Variants in EFCAB11 observed in about 807,000 individuals in gnomAD.
EFCAB11 encodes EF-hand calcium-binding domain-containing protein 11.
In EFCAB11, 14 loss-of-function variants were observed where a neutral mutation model predicts 23.0. The observed-to-expected ratio is 0.61, with a 90% CI of 0.40 to 0.95. EFCAB11 has a LOEUF of 0.95. Ranked by LOEUF, EFCAB11 falls within the 40% of genes least tolerant of loss-of-function variation. The pLI is 0.00. For missense variants in EFCAB11, 198 were observed against 195.8 expected (o/e 1.01, Z -0.07); for synonymous variants, 65 against 66.6 (o/e 0.98, Z 0.11).
intron 5 of EFCAB11, among the ~76,000 whole-genome samples, chr14:89,837,858 G>A (rs541206939): frequency 5.3e-5 from 8 of 152,200 alleles, no homozygotes; most frequent in African/African-American, 1.7e-4. Context: ...GGGAGCTGTG[G>A]GGGTGATATC....
chr14:89,842,309 C>T (rs886364491), intron 5 of EFCAB11, among the ~76,000 whole-genome samples: 25 of 152,306 alleles, frequency 1.6e-4, no homozygotes, highest in African/African-American at 4.8e-4. Flanking sequence ...GTAATCTGGG[C>T]GGGGCGTGGT....
chr14:89,902,711 G>A (rs932693116), intron 5 of EFCAB11, among the ~76,000 whole-genome samples: 6 of 152,132 alleles, frequency 3.9e-5, no homozygotes, highest in Admixed American at 1.3e-4. Flanking sequence ...ATACCACTCA[G>A]AACACCACTG....
intron 5 of EFCAB11, among the ~76,000 whole-genome samples, chr14:89,885,632 G>A (rs936736722): frequency 2.7e-5 from 4 of 150,222 alleles, no homozygotes; most frequent in African/African-American, 7.4e-5. Flanking sequence ...AGCTGAGATC[G>A]CACCACTGCA....
chr14:89,836,282 G>C (rs1472972133), intron 5 of EFCAB11: 1 of 240,318 alleles, frequency 4.2e-6, no homozygotes, highest in East Asian at 1.1e-4. Flanking sequence ...TTTTGCTCTA[G>C]AGTCCTTCCA....
chr14:89,926,238 C>T (rs950313963), intron 5 of EFCAB11, among the ~76,000 whole-genome samples: 5 of 151,960 alleles, frequency 3.3e-5, no homozygotes, highest in Non-Finnish European at 5.9e-5. Context: ...ATGAGATATC[C>T]CTTGGTTTAT....
At chr14:89,919,809 A>G (rs1443673541) in intron 5 of EFCAB11, among the ~76,000 whole-genome samples, 4 of 152,178 alleles carry the variant, frequency 2.6e-5, no homozygotes, top group African/African-American at 7.2e-5. Context: ...GAGGCTTCAC[A>G]GTAAGTCTAT....
At chr14:89,859,877 A>AT (rs1465144250) in intron 5 of EFCAB11, among the ~76,000 whole-genome samples, 1 of 152,188 alleles carries the variant, frequency 6.6e-6, no homozygotes, top group Non-Finnish European at 1.5e-5. Flanking sequence ...TATATAGTAT[A>AT]GCCATGCATT....
intron 5 of EFCAB11, among the ~76,000 whole-genome samples, chr14:89,875,509 A>G (rs1207098697): frequency 6.6e-6 from 1 of 152,216 alleles, no homozygotes; most frequent in African/African-American, 2.4e-5. Flanking sequence ...TATGGGTGGT[A>G]GACGAGACAG....
chr14:89,903,683 C>T (rs550289500), intron 5 of EFCAB11, among the ~76,000 whole-genome samples: 4 of 152,214 alleles, frequency 2.6e-5, no homozygotes, highest in Non-Finnish European at 4.4e-5. Flanking sequence ...TTTTGGACTA[C>T]GTTCAAGAAA....
intron 5 of EFCAB11, among the ~76,000 whole-genome samples, chr14:89,915,045 A>G (rs1889795326): frequency 1.3e-5 from 2 of 152,180 alleles, no homozygotes; most frequent in African/African-American, 4.8e-5. Flanking sequence ...AAAAACACAT[A>G]GTAATAATAA....
chr14:89,801,911 T>C (rs1322911103), intron 5 of EFCAB11, among the ~76,000 whole-genome samples: 1 of 151,850 alleles, frequency 6.6e-6, no homozygotes, highest in Admixed American at 6.6e-5. Flanking sequence ...GAAGAACTGG[T>C]TGAAGCCAGG....
chr14:89,829,621 G>A (rs189711803), intron 5 of EFCAB11, among the ~76,000 whole-genome samples: 1 of 152,226 alleles, frequency 6.6e-6, no homozygotes, highest in East Asian at 1.9e-4. Flanking sequence ...TTCCATGCAA[G>A]GAATTAATGC....
chr14:89,882,258 T>C (rs1389075865), intron 5 of EFCAB11, among the ~76,000 whole-genome samples: 1 of 152,222 alleles, frequency 6.6e-6, no homozygotes, highest in Non-Finnish European at 1.5e-5. Flanking sequence ...GTTCAAATAC[T>C]ACCTTGTCTT....
At chr14:89,870,797 C>T (rs1382352236) in intron 5 of EFCAB11, among the ~76,000 whole-genome samples, 1 of 146,456 alleles carries the variant, frequency 6.8e-6, no homozygotes, top group Non-Finnish European at 1.5e-5. Context: ...AAAAATTAGC[C>T]AGGCATGGTG....
chr14:89,888,299 CTG>C (rs1339761413), intron 5 of EFCAB11, among the ~76,000 whole-genome samples: 4 of 152,198 alleles, frequency 2.6e-5, no homozygotes, highest in Non-Finnish European at 5.9e-5. Context: ...CATATGAAGA[CTG>C]TAGTAGGCTG....
intron 5 of EFCAB11, among the ~76,000 whole-genome samples, chr14:89,894,253 A>ATT (rs752443292): frequency 4.8e-5 from 7 of 146,008 alleles, no homozygotes; most frequent in African/African-American, 1.8e-4. Flanking sequence ...CCCAGCCTTG[A>ATT]TTTTTTTTTT....
intron 5 of EFCAB11, among the ~76,000 whole-genome samples, chr14:89,904,762 C>T (rs933283209): frequency 2.6e-5 from 4 of 152,192 alleles, no homozygotes; most frequent in African/African-American, 7.2e-5. Flanking sequence ...CCGTTGGCTG[C>T]ATAAATATCT....
At chr14:89,922,723 G>A (rs767614198) in intron 5 of EFCAB11, among the ~76,000 whole-genome samples, 1 of 152,122 alleles carries the variant, frequency 6.6e-6, no homozygotes, top group Admixed American at 6.5e-5. Context: ...GGAGTGTGAT[G>A]ATGAATACCC....
intron 5 of EFCAB11, among the ~76,000 whole-genome samples, chr14:89,898,518 C>T (rs943356169): frequency 3.2e-4 from 49 of 152,056 alleles, no homozygotes; most frequent in African/African-American, 9.9e-4. Flanking sequence ...GCCCATGCCA[C>T]CATGTGTGGC....
Sources: allele counts gnomAD v4.1 joint callset (sites outside exome capture counted in the v4.1 genomes callset), GRCh38; gene constraint gnomAD v4.1.1; transcripts MANE v1.5; gene names NCBI Gene and HGNC (gene_info 2026-07-23, HGNC 2026-07-21).